The following LYST variants were observed in gnomAD, a reference collection of about 807,000 sequenced individuals.
LYST encodes lysosomal-trafficking regulator.
LYST carries 192 observed loss-of-function variants against 413.6 expected under a neutral mutation model. The ratio of observed to expected loss-of-function variants is 0.46; its 90% CI spans 0.41 to 0.52. The LOEUF (loss-of-function observed/expected upper bound fraction) is 0.52. Ranked by LOEUF, LYST falls within the 20% of genes least tolerant of loss-of-function variation. The pLI is 0.00. For synonymous variants in LYST, 1,525 were observed against 1,567.3 expected (o/e 0.97, Z 0.64); for missense variants, 3,815 against 4,499.9 (o/e 0.85, Z 4.35).
At chr1:235,859,934 A>G (rs931526276) in intron 1 of LYST, among the ~76,000 whole-genome samples, 2 of 152,256 alleles carry the variant, frequency 1.3e-5, no homozygotes, top group African/African-American at 4.8e-5. Flanking sequence ...TGGCAAAGTA[A>G]GCATGAAGTT....
At chr1:235,666,666 G>A (rs1022624276) in intron 50 of LYST, among the ~76,000 whole-genome samples, 4 of 150,616 alleles carry the variant, frequency 2.7e-5, no homozygotes, top group African/African-American at 2.5e-5. Context: ...TTTTCCCATT[G>A]TAGAACATTG....
intron 1 of LYST, among the ~76,000 whole-genome samples, chr1:235,834,510 T>G (rs529184814): frequency 8.9e-4 from 135 of 152,272 alleles, no homozygotes; most frequent in African/African-American, 3.1e-3. Context: ...AGTACTGGGA[T>G]TACAGGCGTG....
At chr1:235,789,172 T>C (rs1329812565) in intron 12 of LYST, among the ~76,000 whole-genome samples, 1 of 152,194 alleles carries the variant, frequency 6.6e-6, no homozygotes, top group African/African-American at 2.4e-5. Context: ...TTATCAACTA[T>C]GACTTCACTG....
At position 235,702,753 on chromosome 1, in the gene LYST, G is replaced by A; in HGVS notation, c.10368C>T (p.Thr3456=). The change falls in exon 45 of 53, where the codon ACC becomes ACT. Residue 3456 remains threonine (T), a synonymous_variant. Coordinates refer to ENST00000389793, the MANE Select transcript of LYST (RefSeq NM_000081.4). ...TGAAATCCAAATGACATACCGGATA[G>A]GTGATTTCTTTGACCTGTTCTCGGG... is the stretch of plus-strand genomic sequence containing the variant. ...RETREQVKEI[T]YPSPLSWIKG... is the part of the protein sequence containing the mutation. 1 of 1,613,564 alleles carries A rather than the reference G, an allele frequency of 6.2e-7. No homozygotes were observed. Among genetic ancestry groups the A allele is most frequent in the Non-Finnish European group, 8.5e-7 (1 of 1,179,506 alleles).
upstream of LYST, among the ~76,000 whole-genome samples, chr1:235,869,087 C>T (rs1680808134): frequency 6.6e-6 from 1 of 152,056 alleles, no homozygotes; most frequent in Non-Finnish European, 1.5e-5. Flanking sequence ...TCAAATAAAA[C>T]TTAGTTTAAA....
intron 2 of LYST, among the ~76,000 whole-genome samples, chr1:235,832,097 C>G (rs1453614035): frequency 1.3e-5 from 2 of 152,174 alleles, no homozygotes; most frequent in African/African-American, 2.4e-5. Context: ...AATTTATATG[C>G]TGGTGCTTTC....
At chr1:235,760,200 A>G (rs1195308389) in intron 22 of LYST, among the ~76,000 whole-genome samples, 2 of 152,148 alleles carry the variant, frequency 1.3e-5, no homozygotes, top group African/African-American at 2.4e-5. Flanking sequence ...AAGGTAAATC[A>G]CTTAATTGTA....
chr1:235,808,488 T>C lies in LYST; in HGVS notation c.2330A>G (p.Tyr777Cys), dbSNP rs367688184. The stretch of plus-strand genomic sequence containing the variant: ...AAGCAGGATAGGCAGAGTTTTTACA[T>C]AAATCTGAAGCACGTCCTGAGGCAA... ...QCLPQDVLQI[Y>C]VKTLPILLKS... Residue 777 changes from tyrosine to cysteine, a missense_variant, in exon 5 of 53, where the codon TAT becomes TGT. By Grantham distance (194) the Tyr-to-Cys change is radical. Around this residue, in one of 4 missense-constraint regions of LYST, gnomAD observed 1,648 missense variants for 1,810.3 expected, o/e 0.91. Transcript: ENST00000389793. The C allele has an allele frequency of 1.2e-5, 20 of 1,613,404 alleles. No homozygotes were observed. The highest frequency in any genetic ancestry group is 1.7e-4 in the Middle Eastern group (1 of 6,056).
At chr1:235,770,618 A>C (rs995409083) in intron 19 of LYST, among the ~76,000 whole-genome samples, 2 of 152,208 alleles carry the variant, frequency 1.3e-5, no homozygotes, top group Non-Finnish European at 2.9e-5. Flanking sequence ...CATTACCAAC[A>C]TTATTGTTTT....
chr1:235,696,592 C>G (rs1007396329), intron 46 of LYST, among the ~76,000 whole-genome samples: 1 of 152,196 alleles, frequency 6.6e-6, no homozygotes, highest in Non-Finnish European at 1.5e-5. Context: ...GAGGCCTCTA[C>G]TGCACAGCAC....
chr1:235,678,829 A>G (rs1178475064), intron 48 of LYST, among the ~76,000 whole-genome samples: 6 of 152,178 alleles, frequency 3.9e-5, no homozygotes, highest in Admixed American at 3.9e-4. Context: ...TAAACAACAT[A>G]CTGTATAATA....
At chr1:235,877,727 G>A (rs1287483393) in intron 1 of LYST, among the ~76,000 whole-genome samples, 1 of 151,868 alleles carries the variant, frequency 6.6e-6, no homozygotes, top group South Asian at 2.1e-4. Context: ...TTTTTTAAAC[G>A]TTTCTATTCC....
At chr1:235,848,447 A>G (rs1487058124) in intron 1 of LYST, among the ~76,000 whole-genome samples, 2 of 152,026 alleles carry the variant, frequency 1.3e-5, no homozygotes, top group Non-Finnish European at 2.9e-5. Context: ...AGCACAATCT[A>G]AGGTCACACC....
chr1:235,842,245 T>G (rs1677301983), intron 1 of LYST, among the ~76,000 whole-genome samples: 1 of 151,826 alleles, frequency 6.6e-6, no homozygotes, highest in South Asian at 2.1e-4. Flanking sequence ...AAAATAAATG[T>G]TGATAGACAA....
intron 44 of LYST, among the ~76,000 whole-genome samples, chr1:235,705,705 A>C (rs1280217760): frequency 1.3e-5 from 2 of 151,746 alleles, no homozygotes; most frequent in Non-Finnish European, 2.9e-5. Context: ...TTTTAATGTA[A>C]ATTTTATATA....
At chr1:235,705,854 T>A (rs551653417) in intron 44 of LYST, among the ~76,000 whole-genome samples, 3 of 152,186 alleles carry the variant, frequency 2.0e-5, no homozygotes, top group Admixed American at 2.0e-4. Context: ...TGCAGTGGCA[T>A]GATCTTGGCT....
chr1:235,749,529 G>T (rs1033744432), intron 28 of LYST, among the ~76,000 whole-genome samples: 1 of 152,098 alleles, frequency 6.6e-6, no homozygotes, highest in Non-Finnish European at 1.5e-5. Context: ...GGGTGCATGT[G>T]CCAGCAGTCC....
intron 38 of LYST, 64 bp downstream of exon 38, chr1:235,728,012 T>C: frequency 1.7e-6 from 2 of 1,149,314 alleles, no homozygotes; most frequent in Non-Finnish European, 2.6e-6. Flanking sequence ...CTAGTTATAC[T>C]GAATTGATAC....
chr1:235,806,737 A>C lies in LYST; in HGVS notation c.2399T>G (p.Val800Gly), dbSNP rs1558277285. ...IRDLFLSCNG[V>G]SQIIELNCLN... ...GCAATTTAATTCGATTATTTGACTT[A>C]CTCCATTACAACTCAAAAACAAATC... is the stretch of plus-strand genomic sequence containing the variant. The change falls in exon 6 of 53, where the codon GTA becomes GGA. Residue 800 changes from valine (V) to glycine (G), a missense_variant. Around this residue, in one of 4 missense-constraint regions of LYST, gnomAD observed 1,648 missense variants for 1,810.3 expected, o/e 0.91. Transcript: ENST00000389793. 2 of 1,613,146 alleles carry C rather than the reference A, an allele frequency of 1.2e-6. No individual in the cohort carries two copies.
Sources: gnomAD v4.1 joint callset for allele counts (sites outside exome capture counted in the v4.1 genomes callset) on GRCh38, gnomAD v4.1.1 for gene constraint, gnomAD v4.1.1 regional missense constraint, MANE v1.5 for transcripts, NCBI Gene and HGNC (gene_info 2026-07-23, HGNC 2026-07-21) for gene names.